NACA: variants seen among roughly 807,000 people sequenced by gnomAD.
The protein encoded by NACA is nascent polypeptide-associated complex subunit alpha.
NACA carries 42 observed loss-of-function variants against 86.4 expected under a neutral mutation model. The ratio of observed to expected loss-of-function variants is 0.49; its 90% CI spans 0.38 to 0.63. The LOEUF is 0.63. Ranked by LOEUF, NACA falls within the 20% of genes least tolerant of loss-of-function variation. The probability of loss-of-function intolerance (pLI) is 0.00; values close to 1 mark genes in which losing one functional copy is unlikely to be tolerated. For missense variants in NACA, 2,157 were observed against 2,483.6 expected (o/e 0.87, Z 2.80); for synonymous variants, 898 against 973.7 (o/e 0.92, Z 1.45).
chr12:56,718,769 C>T lies in NACA; in HGVS notation c.2761G>A (p.Ala921Thr), dbSNP rs775922980. Reference sequence around the variant, plus strand: ...CCTTTAGGGGCTGGAGTTGCTCGGGCCTTTTTGGGGGAGGAAGAAGTCATG... The same window carrying T: ...CCTTTAGGGGCTGGAGTTGCTCGGGTCTTTTTGGGGGAGGAAGAAGTCATG... ...LSMTSSSPKKARATPAPKGIP... is the reference protein window; with the variant it reads ...LSMTSSSPKKTRATPAPKGIP... Residue 921 changes from alanine (A) to threonine (T), a missense_variant, in exon 3 of 9, where the codon GCC becomes ACC. This residue lies in a region of NACA where 174 missense variants were observed against 217.0 expected (regional missense o/e 0.80). Transcript: ENST00000454682. The T allele has an allele frequency of 3.5e-6, 5 of 1,444,226 alleles. No individual in the cohort carries two copies. The South Asian group carries it at 5.6e-5, about 16-fold the overall frequency. 89.5% of individuals were successfully genotyped at this position (1,444,226 alleles called of 1,614,324 possible).
rs1342877813 is a variant in NACA at position 56,716,641 on chromosome 12, GT to G, written c.4888del (p.Thr1630LeufsTer13). ...AGTGGGAGTCCCTTTGGGGGCTGGAGTTGCTGGGCCCTTTTCGGGGGATGGA... is the reference window on the plus strand; with the variant it reads ...AGTGGGAGTCCCTTTGGGGGCTGGAGTGCTGGGCCCTTTTCGGGGGATGGA... Reference protein sequence around the residue: ...TPPSPEKGPATPAPKGTPTSP... With the variant: ...TPPSPEKGPAXPAPKGTPTSP... On this transcript the variant is annotated frameshift_variant, in exon 3 of 9. Coordinates refer to ENST00000454682, the MANE Select transcript of NACA (RefSeq NM_001365896.1). LOFTEE classifies it high-confidence loss of function. 6.9e-7 allele frequency: 1 copy of G among 1,445,560 alleles called. No individual in the cohort carries two copies. 89.5% of individuals were successfully genotyped at this position (1,445,560 alleles called of 1,614,324 possible). A position where few individuals can be genotyped will look rare whatever the true frequency, so the allele number is the denominator to read the frequency against.
At position 56,719,276 on chromosome 12, in the gene NACA, C is replaced by T; in HGVS notation, c.2254G>A (p.Asp752Asn). The change falls in exon 3 of 9, where the codon GAT (aspartate) becomes AAT (asparagine). Residue 752 changes from aspartate (D) to asparagine (N), a missense_variant. By Grantham distance (23) the Asp-to-Asn change is conservative. Coordinates refer to ENST00000454682, the MANE Select transcript of NACA (RefSeq NM_001365896.1). ...AGTPPGTKKV[D>N]GISHTSALAP... ...AATGCTGAAGTATGAGAAATACCAT[C>T]AACCTTTTTTGTACCTGGAGGAGTC... 1 of 1,577,918 alleles carries T rather than the reference C, an allele frequency of 6.3e-7. No individual in the cohort carries two copies. The highest frequency in any genetic ancestry group is 8.6e-7 in the Non-Finnish European group (1 of 1,157,132).
chr12:56,712,533 T>A lies in NACA; in HGVS notation c.*5A>T. On this transcript the variant is annotated 3_prime_UTR_variant, in exon 9 of 9. Transcript: ENST00000454682. Reference sequence around the variant, plus strand: ...GAGACACCAAAAAAAGTTGCTTCCATATGGTTACATTGTTAATTCCTGTAA... The same window carrying A: ...GAGACACCAAAAAAAGTTGCTTCCAAATGGTTACATTGTTAATTCCTGTAA... 1 of 1,613,470 alleles carries A rather than the reference T, an allele frequency of 6.2e-7. No homozygotes were observed. Among genetic ancestry groups the A allele is most frequent in the Non-Finnish European group, 8.5e-7 (1 of 1,179,688 alleles).
Position 56,712,945 on chromosome 12 carries a change from CAAG to C in NACA, c.6100-40_6100-38del, listed in dbSNP as rs759903795. On this transcript the variant is annotated intron_variant, in intron 7 of 8. Transcript: ENST00000454682. ...GAGGGAAAAAGCAGTAAATTAAAGG[CAAG>C]AACAATTTCAGCAGTTCTTTGGAGT... 4.3e-6 allele frequency: 7 copies of C among 1,613,588 alleles called. No homozygotes were observed. In the Admixed American group the frequency reaches 5.0e-5, roughly 12 times the overall value.
chr12:56,714,022 T>G (rs1021089950), intron 5 of NACA: 1 of 366,870 alleles, frequency 2.7e-6, no homozygotes, highest in Non-Finnish European at 5.0e-6. Flanking sequence ...ATTTTTGGTA[T>G]TTTTAGTAGA....
At chr12:56,724,753 G>C (rs1197983547) in intron 1 of NACA, 1 of 525,662 alleles carries the variant, frequency 1.9e-6, no homozygotes. Flanking sequence ...CCGAGGGAGA[G>C]GATCCCGGGC....
chr12:56,717,302 G>A lies in NACA; in HGVS notation c.4228C>T (p.Leu1410Phe). 1.5e-6 allele frequency: 2 copies of A among 1,342,352 alleles called. No individual in the cohort carries two copies. Among genetic ancestry groups the A allele is most frequent in the Non-Finnish European group, 2.0e-6 (2 of 1,024,868 alleles). 83.2% of individuals were successfully genotyped at this position (1,342,352 alleles called of 1,614,324 possible). ...GDPTSPAVIPLSPKKAPATPV... is the reference protein window; with the variant it reads ...GDPTSPAVIPFSPKKAPATPV... ...GTTGCTGGAGCCTTTTTGGGGGAGAGAGGAATCACTGCTGGGGAAGTGGGG... is the reference window on the plus strand; with the variant it reads ...GTTGCTGGAGCCTTTTTGGGGGAGAAAGGAATCACTGCTGGGGAAGTGGGG... Residue 1410 changes from leucine to phenylalanine, a missense_variant, in exon 3 of 9, where the codon CTC (leucine) becomes TTC (phenylalanine). Leu to Phe is a conservative substitution (Grantham distance 22, BLOSUM62 0). This residue lies in a region of NACA where 797 missense variants were observed against 777.6 expected (regional missense o/e 1.02). Coordinates refer to ENST00000454682, the MANE Select transcript of NACA (RefSeq NM_001365896.1).
At position 56,721,232 on chromosome 12, in the gene NACA, G is replaced by A; in HGVS notation, c.298C>T (p.Pro100Ser). The part of the protein sequence containing the change: ...ALPLGTAPEA[P>S]TFLPNLIGPP... ...CCTATTAGGTTTGGTAGGAAGGTTGGGGCTTCAGGGGCAGTTCCCAAAGGT... is the reference window on the plus strand; with the variant it reads ...CCTATTAGGTTTGGTAGGAAGGTTGAGGCTTCAGGGGCAGTTCCCAAAGGT... The change falls in exon 3 of 9, where the codon CCA becomes TCA. Residue 100 changes from proline (P) to serine (S), a missense_variant. By Grantham distance (74) the Pro-to-Ser change is moderately conservative (BLOSUM62 -1). Around this residue, in one of 8 missense-constraint regions of NACA, gnomAD observed 947 missense variants for 917.9 expected, o/e 1.03. Transcript: ENST00000454682. The A allele has an allele frequency of 6.2e-7, 1 of 1,613,776 alleles. No homozygotes were observed.
At chr12:56,724,703 C>T in intron 1 of NACA, 180 bp from the exon 2 acceptor site, 2 of 617,290 alleles carry the variant, frequency 3.2e-6, no homozygotes, top group African/African-American at 1.9e-5. Flanking sequence ...GTGACCCTCA[C>T]GCCTCTATCA....
At position 56,721,060 on chromosome 12, in the gene NACA, A is replaced by G; in HGVS notation, c.470T>C (p.Leu157Pro). Reference protein sequence around the residue: ...VQKSSAFPPNLLTSPPSVAVA... With the variant: ...VQKSSAFPPNPLTSPPSVAVA... The stretch of plus-strand genomic sequence containing the variant: ...AGCCACTGAAGGAGGTGAAGTAAGA[A>G]GGTTAGGTGGAAAAGCAGAACTCTT... The change falls in exon 3 of 9, where the codon CTT becomes CCT. Residue 157 changes from leucine (L) to proline (P), a missense_variant. By Grantham distance (98) the Leu-to-Pro change is moderately conservative (BLOSUM62 -3). Around this residue, in one of 8 missense-constraint regions of NACA, gnomAD observed 947 missense variants for 917.9 expected, o/e 1.03. Transcript: ENST00000454682. The G allele has an allele frequency of 6.2e-7, 1 of 1,613,938 alleles. No homozygotes were observed. Among genetic ancestry groups the G allele is most frequent in the South Asian group, 1.1e-5 (1 of 91,084 alleles).
At chr12:56,714,856 C>T in intron 3 of NACA, 169 bp from the exon 4 acceptor site, 1 of 630,252 alleles carries the variant, frequency 1.6e-6, no homozygotes, top group East Asian at 2.8e-5. Context: ...AACTTAGTCA[C>T]TAACTAGCGG....
rs1447352146 is a variant in NACA at position 56,716,162 on chromosome 12, CAG to C, written c.5366_5367del (p.Ser1789CysfsTer24). The C allele has an allele frequency of 2.5e-6, 4 of 1,613,534 alleles. No homozygotes were observed. Among genetic ancestry groups the C allele is most frequent in the Non-Finnish European group, 3.4e-6 (4 of 1,179,822 alleles). On this transcript the variant is annotated frameshift_variant, in exon 3 of 9. Coordinates refer to ENST00000454682, the MANE Select transcript of NACA (RefSeq NM_001365896.1). LOFTEE classifies it high-confidence loss of function. ...ACTGGTGGGGAGGGTGCTGCAGAGA[CAG>C]ATGCTGATTCAGGTTTAGGAAGGAC... ...EKVLPKPESA[S>X]VSAAPSPPVS... is the part of the protein sequence containing the mutation.
Position 56,718,657 on chromosome 12 carries a change from G to C in NACA, c.2873C>G (p.Ser958Cys). 7.4e-7 allele frequency: 1 copy of C among 1,345,916 alleles called. No individual in the cohort carries two copies. The highest frequency in any genetic ancestry group is 9.7e-7 in the Non-Finnish European group (1 of 1,026,564). The allele number at this position is 1,345,916 out of a possible 1,614,324, so 83.4% of individuals were successfully genotyped here. Residue 958 changes from serine to cysteine, a missense_variant, in exon 3 of 9, where the codon TCC (serine) becomes TGC (cysteine). Physicochemically the swap from Ser to Cys is moderately radical, Grantham distance 112 (BLOSUM62 -1). Coordinates refer to ENST00000454682, the MANE Select transcript of NACA (RefSeq NM_001365896.1). ...PSPKGGPATPSPKWAPTPPAA... is the reference protein window; with the variant it reads ...PSPKGGPATPCPKWAPTPPAA... The stretch of plus-strand genomic sequence containing the variant: ...TGGGGGTGTGGGGGCCCATTTCGGG[G>C]ATGGGGTAGCTGGGCCTCCTTTAGG...
Position 56,718,790 on chromosome 12 carries a change from T to C in NACA, c.2740A>G (p.Thr914Ala). 1 of 1,444,758 alleles carries C rather than the reference T, an allele frequency of 6.9e-7. No homozygotes were observed. The highest frequency in any genetic ancestry group is 9.3e-7 in the Non-Finnish European group (1 of 1,070,740). The allele number at this position is 1,444,758 out of a possible 1,614,324, so 89.5% of individuals were successfully genotyped here. Residue 914 changes from threonine (T) to alanine (A), a missense_variant, in exon 3 of 9, where the codon ACT (threonine) becomes GCT (alanine). Thr to Ala is a moderately conservative substitution (Grantham distance 58). Transcript: ENST00000454682. Reference sequence around the variant, plus strand: ...CGGGCCTTTTTGGGGGAGGAAGAAGTCATGGATAGAGCAGGAGCCTGTTTG... The same window carrying C: ...CGGGCCTTTTTGGGGGAGGAAGAAGCCATGGATAGAGCAGGAGCCTGTTTG... ...APKQAPALSM[T>A]SSSPKKARAT...
chr12:56,721,591 C>T (rs1027943671), intron 2 of NACA, 132 bp from the exon 3 acceptor site: 76 of 567,584 alleles, frequency 1.3e-4, no homozygotes, highest in Non-Finnish European at 1.7e-4. Context: ...TAAGTCACCA[C>T]GCAGGATTAG....
rs1953514530 is a variant in NACA at position 56,719,650 on chromosome 12, G to T, written c.1880C>A (p.Ala627Glu). Residue 627 changes from alanine to glutamate, a missense_variant, in exon 3 of 9, where the codon GCA becomes GAA. By Grantham distance (107) the Ala-to-Glu change is moderately radical. Transcript: ENST00000454682. ...SASVIKTDSY[A>E]GPDSAGPLLK... ...AAGCGGACCAGCAGAGTCTGGGCCT[G>T]CATAAGAATCTGTCTTGATTACAGA... The T allele has an allele frequency of 2.9e-5, 46 of 1,613,706 alleles. No individual in the cohort carries two copies. Among genetic ancestry groups the T allele is most frequent in the Non-Finnish European group, 3.9e-5 (46 of 1,179,650 alleles).
rs556881553 is a variant in NACA at position 56,713,020 on chromosome 12, C to T, written c.6099+42G>A. 4.3e-6 allele frequency: 7 copies of T among 1,613,076 alleles called. No homozygotes were observed. In the African/African-American group the frequency reaches 6.7e-5, roughly 15 times the overall value. ...ATAGCTCACCAACACGAACACAATG[C>T]TATACGGCGAGAGTTAAATTATGAA... On this transcript the variant is annotated intron_variant, in intron 7 of 8. Coordinates refer to ENST00000454682, the MANE Select transcript of NACA (RefSeq NM_001365896.1).
At chr12:56,722,037 TA>T (rs574713860) in intron 2 of NACA, among the ~76,000 whole-genome samples, 119 of 152,336 alleles carry the variant, frequency 7.8e-4, no homozygotes, top group Non-Finnish European at 1.6e-3. Context: ...AGGCTTCCAC[TA>T]GGCTAGGAAA....
At position 56,718,398 on chromosome 12, in the gene NACA, T is replaced by C. The variant is rs2137818241; in HGVS notation, c.3132A>G (p.Lys1044=). 1 of 1,186,360 alleles carries C rather than the reference T, an allele frequency of 8.4e-7. No homozygotes were observed. The allele number at this position is 1,186,360 out of a possible 1,614,324, so 73.5% of individuals were successfully genotyped here. The change falls in exon 3 of 9, where the codon AAA becomes AAG. Residue 1044 remains lysine (K), a synonymous_variant. Transcript: ENST00000454682. ...TPPAATPPSP[K]GSPAATPLPK... is the part of the protein sequence containing the mutation. ...GGAGTGGGGTAGCTGCTGGACTTCC[T>C]TTGGGGGAGGGAGGAGTTGCAGCTG...
Sources: allele counts gnomAD v4.1 joint callset (sites outside exome capture counted in the v4.1 genomes callset), GRCh38; gene constraint gnomAD v4.1.1; regional missense constraint gnomAD v4.1.1; transcripts MANE v1.5; gene names NCBI Gene and HGNC (gene_info 2026-07-23, HGNC 2026-07-21).